CDC73: variants seen among roughly 807,000 people sequenced by gnomAD.
CDC73 encodes the protein cell division cycle 73.
Under a neutral mutation model 83.7 loss-of-function variants are expected in CDC73, and 21 were observed. The ratio of observed to expected loss-of-function variants is 0.25; its 90% CI spans 0.18 to 0.36. The LOEUF is 0.36. Among genes scored for constraint, CDC73 ranks in the 10% least tolerant of loss-of-function variants. CDC73 has a pLI of 1.00. For synonymous variants in CDC73, 224 were observed against 212.9 expected, an observed-to-expected ratio of 1.05 and a Z score of -0.45; for missense variants, 342 against 653.3, an observed-to-expected ratio of 0.52 and a Z score of 5.19.
At chr1:193,127,128 G>A (rs1418812861) in intron 2 of CDC73, among the ~76,000 whole-genome samples, 1 of 152,044 alleles carries the variant, frequency 6.6e-6, no homozygotes, top group Non-Finnish European at 1.5e-5. Context: ...AAATTAGTCA[G>A]GCGTGGTAGT....
intron 10 of CDC73, among the ~76,000 whole-genome samples, chr1:193,182,079 A>G (rs1461823424): frequency 1.3e-5 from 2 of 152,172 alleles, no homozygotes; most frequent in Non-Finnish European, 2.9e-5. Flanking sequence ...GATTTGACAT[A>G]CTATTGGTGG....
chr1:193,212,325 T>C lies in CDC73; in HGVS notation c.1067-65T>C, dbSNP rs147894276. 1.0e-5 allele frequency: 11 copies of C among 1,057,626 alleles called. No homozygotes were observed. In the East Asian group the frequency reaches 2.7e-4, roughly 26 times the overall value. 65.5% of individuals were successfully genotyped at this position (1,057,626 alleles called of 1,614,324 possible). A position where few individuals can be genotyped will look rare whatever the true frequency, so the allele number is the denominator to read the frequency against. On this transcript the variant is annotated intron_variant, in intron 12 of 16. Transcript: ENST00000367435. ...GTTACAATTTATAATCTTTTAACTTTTAGTAGAGAAAGTAAGTATAATTTC... is the reference window on the plus strand; with the variant it reads ...GTTACAATTTATAATCTTTTAACTTCTAGTAGAGAAAGTAAGTATAATTTC...
chr1:193,153,150 A>C (rs1156537863), intron 10 of CDC73, among the ~76,000 whole-genome samples: 1 of 152,212 alleles, frequency 6.6e-6, no homozygotes, highest in East Asian at 1.9e-4. Context: ...TGTAATTAAC[A>C]GAACTAAATA....
chr1:193,233,338 G>A (rs1476078116), intron 14 of CDC73, among the ~76,000 whole-genome samples, 184 bp downstream of exon 14: 2 of 152,176 alleles, frequency 1.3e-5, no homozygotes, highest in African/African-American at 4.8e-5. Context: ...TAGGACTACA[G>A]GTGCATGCCA....
Position 193,177,508 on chromosome 1 carries a change from C to T in CDC73, c.972+25064C>T, listed in dbSNP as rs552625589. On this transcript the variant is annotated intron_variant, in intron 10 of 16. Coordinates refer to ENST00000367435, the MANE Select transcript of CDC73 (RefSeq NM_024529.5). ...TCGGGCCACTGCACTCCAGCCTGGG[C>T]GACAGAGCAAGACTCTGTCTAAAAA... Among the ~76,000 whole-genome samples the T allele has an allele frequency of 2.8e-5, 4 of 140,784 alleles. No individual in the cohort carries two copies. In the East Asian group the frequency reaches 6.2e-4, roughly 22 times the overall value. The allele number at this position is 140,784 out of a possible 152,430, so 92.4% of individuals were successfully genotyped here. A position where few individuals can be genotyped will look rare whatever the true frequency, so the allele number is the denominator to read the frequency against.
chr1:193,135,638 T>C (rs1161282813), intron 5 of CDC73, 49 bp downstream of exon 5: 8 of 1,422,558 alleles, frequency 5.6e-6, no homozygotes, highest in Admixed American at 1.9e-5. Context: ...TTATTGAAAT[T>C]GGGATTCTTT....
At chr1:193,181,603 C>G (rs762865701) in intron 10 of CDC73, 1 of 1,503,850 alleles carries the variant, frequency 6.6e-7, no homozygotes, top group Non-Finnish European at 8.9e-7. Flanking sequence ...GATTGGTGAC[C>G]AAAAATGTTT....
intron 10 of CDC73, among the ~76,000 whole-genome samples, chr1:193,169,964 A>G (rs1477405430): frequency 3.9e-5 from 6 of 152,082 alleles, no homozygotes; most frequent in Non-Finnish European, 8.8e-5. Context: ...CCACCCTCCG[A>G]CAGGCCCCAG....
intron 1 of CDC73, among the ~76,000 whole-genome samples, chr1:193,124,858 C>A (rs1030799230): frequency 6.6e-6 from 1 of 152,110 alleles, no homozygotes; most frequent in East Asian, 1.9e-4. Context: ...CTAATTTGGG[C>A]CTAATTCTAA....
intron 10 of CDC73, among the ~76,000 whole-genome samples, chr1:193,173,249 T>G (rs1029012876): frequency 3.3e-5 from 5 of 152,234 alleles, no homozygotes; most frequent in African/African-American, 1.2e-4. Context: ...TCTTAATTAC[T>G]TAATTATAAA....
chr1:193,122,299 C>G lies in CDC73; in HGVS notation c.99C>G (p.Pro33=). 6.2e-7 allele frequency: 1 copy of G among 1,614,110 alleles called. No individual in the cohort carries two copies. Among genetic ancestry groups the G allele is most frequent in the Non-Finnish European group, 8.5e-7 (1 of 1,179,984 alleles). ...DEVIFGEFSW[P]KNVKTNYVVW... ...TGATCTTCGGGGAGTTCTCCTGGCC[C>G]AAGAATGTGAAGACCAACTATGTTG... The change falls in exon 1 of 17, where the codon CCC becomes CCG. Residue 33 remains proline (P), a synonymous_variant. Transcript: ENST00000367435.
In CDC73 at chr1:193,141,987, A is replaced by C; in HGVS notation, c.650A>C (p.Glu217Ala). 6.2e-7 allele frequency: 1 copy of C among 1,613,960 alleles called. No homozygotes were observed. The highest frequency in any genetic ancestry group is 8.5e-7 in the Non-Finnish European group (1 of 1,179,876). ...ALKQRSFVDA[E>A]VDVTRDIVSR... Reference sequence around the variant, plus strand: ...AAACAGAGGAGTTTTGTGGATGCTGAGGTAGATGTGACCCGAGATATTGTC... The same window carrying C: ...AAACAGAGGAGTTTTGTGGATGCTGCGGTAGATGTGACCCGAGATATTGTC... Residue 217 changes from glutamate to alanine, a missense_variant, in exon 7 of 17, where the codon GAG (glutamate) becomes GCG (alanine). Transcript: ENST00000367435.
chr1:193,176,098 A>G (rs1676597864), intron 10 of CDC73, among the ~76,000 whole-genome samples: 1 of 152,220 alleles, frequency 6.6e-6, no homozygotes, highest in African/African-American at 2.4e-5. Flanking sequence ...TGTTAAGCAA[A>G]TGTGAAACAT....
At chr1:193,164,401 C>A (rs1676398462) in intron 10 of CDC73, among the ~76,000 whole-genome samples, 1 of 152,112 alleles carries the variant, frequency 6.6e-6, no homozygotes, top group Non-Finnish European at 1.5e-5. Context: ...TGTTAGTATA[C>A]CATGAGAAAC....
chr1:193,134,532 G>A (rs958622275), intron 3 of CDC73, among the ~76,000 whole-genome samples: 7 of 152,130 alleles, frequency 4.6e-5, no homozygotes, highest in African/African-American at 1.2e-4. Flanking sequence ...TTAGCCGGGC[G>A]TGGTGGCATG....
At chr1:193,133,936 A>T (rs1675740944) in intron 3 of CDC73, among the ~76,000 whole-genome samples, 1 of 152,070 alleles carries the variant, frequency 6.6e-6, no homozygotes, top group African/African-American at 2.4e-5. Context: ...TGATAGAAAA[A>T]AATCTGTAAG....
intron 13 of CDC73, among the ~76,000 whole-genome samples, chr1:193,220,182 T>TG (rs1677442438): frequency 6.7e-6 from 1 of 148,162 alleles, no homozygotes. Flanking sequence ...TTTTTTTTTT[T>TG]TTGAGACGGA....
chr1:193,217,085 T>C (rs561343144), intron 13 of CDC73, among the ~76,000 whole-genome samples: 59 of 152,094 alleles, frequency 3.9e-4, no homozygotes, highest in Non-Finnish European at 7.1e-4. Flanking sequence ...AAACAGGAAA[T>C]GTTCCTTTGT....
chr1:193,169,048 C>G lies in CDC73; in HGVS notation c.972+16604C>G, dbSNP rs192209588. ...CAAGTAGCAGCCTGGATTTGGCTCA[C>G]TGCTGTATTTTGCTTACTCTTGACT... is the stretch of plus-strand genomic sequence containing the variant. On this transcript the variant is annotated intron_variant, in intron 10 of 16. Transcript: ENST00000367435. 1.8e-3 allele frequency among the ~76,000 whole-genome samples: 276 copies of G among 152,168 alleles called. 4 individuals are homozygous for G. Among genetic ancestry groups the G allele is most frequent in the Admixed American group, 0.013 (205 of 15,290 alleles).
Sources: gnomAD v4.1 joint callset for allele counts (sites outside exome capture counted in the v4.1 genomes callset) on GRCh38, gnomAD v4.1.1 for gene constraint, MANE v1.5 for transcripts, NCBI Gene and HGNC (gene_info 2026-07-23, HGNC 2026-07-21) for gene names.